ECE1: variants seen among roughly 807,000 people sequenced by gnomAD.
The protein encoded by ECE1 is endothelin-converting enzyme 1.
A neutral mutation model predicts 98.6 loss-of-function variants in ECE1; 35 were observed. The ratio of observed to expected loss-of-function variants is 0.35; its 90% CI spans 0.27 to 0.47. ECE1 has a LOEUF of 0.47. Among genes scored for constraint, ECE1 ranks in the 20% least tolerant of loss-of-function variants. ECE1 has a pLI of 1.00. For synonymous variants in ECE1, 394 were observed against 407.1 expected (o/e 0.97, Z 0.39); for missense variants, 814 against 1,025.3 (o/e 0.79, Z 2.81).
At chr1:21,274,788 TCA>T (rs1236548097) in intron 3 of ECE1, among the ~76,000 whole-genome samples, 1 of 152,068 alleles carries the variant, frequency 6.6e-6, no homozygotes, top group African/African-American at 2.4e-5. Flanking sequence ...TTTGAGATAA[TCA>T]CACAACAATT....
Position 21,233,528 on chromosome 1 carries a change from A to T in ECE1, c.1670+30T>A, listed in dbSNP as rs1248353895. The T allele has an allele frequency of 6.2e-7, 1 of 1,606,744 alleles. No homozygotes were observed. The highest frequency in any genetic ancestry group is 1.1e-5 in the South Asian group (1 of 90,898). On this transcript the variant is annotated intron_variant, in intron 14 of 18. Coordinates refer to ENST00000374893, the MANE Select transcript of ECE1 (RefSeq NM_001397.3). This position sits in a 1 kb window ranked among gnomAD's most constrained non-coding sequence, Gnocchi z 4.0. Reference sequence around the variant, plus strand: ...GCTTGCCCACAGGTGGGGAGCTGGCACCTTGCCGGCAGGGCCTGGGGGAAC... The same window carrying T: ...GCTTGCCCACAGGTGGGGAGCTGGCTCCTTGCCGGCAGGGCCTGGGGGAAC...
chr1:21,342,093 T>A (rs1029950563), intron 1 of ECE1, among the ~76,000 whole-genome samples: 1 of 152,112 alleles, frequency 6.6e-6, no homozygotes, highest in Non-Finnish European at 1.5e-5. Flanking sequence ...TGGTAGTACA[T>A]CAGGATTCAA....
intron 4 of ECE1, among the ~76,000 whole-genome samples, chr1:21,264,026 G>T (rs212533): frequency 0.11 from 16,501 of 152,182 alleles, 990 homozygotes; most frequent in South Asian, 0.18. Flanking sequence ...CAGAGAAGGG[G>T]GCGAGAAGTA....
chr1:21,331,910 C>T (rs1177795968), intron 1 of ECE1, among the ~76,000 whole-genome samples: 3 of 152,166 alleles, frequency 2.0e-5, no homozygotes, highest in African/African-American at 7.2e-5. Flanking sequence ...CTAATGCAGA[C>T]AGAAGTTACT....
intron 10 of ECE1, among the ~76,000 whole-genome samples, chr1:21,239,942 A>T (rs917487914): frequency 3.3e-5 from 5 of 152,088 alleles, no homozygotes; most frequent in Non-Finnish European, 7.4e-5. Flanking sequence ...AGGCCGAGGC[A>T]AGTGGATCAC....
At chr1:21,236,912 G>C in intron 11 of ECE1, 68 bp from the exon 12 acceptor site, 1 of 1,384,316 alleles carries the variant, frequency 7.2e-7, no homozygotes, top group Non-Finnish European at 1.0e-6. Flanking sequence ...CAGGCACCCC[G>C]TGCAGAACAA....
intron 4 of ECE1, among the ~76,000 whole-genome samples, chr1:21,263,324 G>A (rs1479766540): frequency 6.6e-6 from 1 of 151,984 alleles, no homozygotes; most frequent in African/African-American, 2.4e-5. Context: ...GGGTGATGAG[G>A]CCGGATGCCC....
At chr1:21,257,455 G>C in intron 7 of ECE1, 70 bp downstream of exon 7, 1 of 1,548,912 alleles carries the variant, frequency 6.5e-7, no homozygotes, top group Non-Finnish European at 8.9e-7. Flanking sequence ...ACCTGCACAG[G>C]TGTGGGTGTG....
In ECE1 at chr1:21,340,911, C is replaced by A. The variant is rs1159650232; in HGVS notation, c.3+4465G>T. 1.4e-5 allele frequency among the ~76,000 whole-genome samples: 2 copies of A among 143,368 alleles called. No homozygotes were observed. The highest frequency in any genetic ancestry group is 5.5e-5 in the African/African-American group (2 of 36,352). The allele number at this position is 143,368 out of a possible 152,430, so 94.1% of individuals were successfully genotyped here. ...CTGCCCTAAGGATTGAGCCCCAGGTCCTTCATATGACCATCCCTGAGTGCA... is the reference window on the plus strand; with the variant it reads ...CTGCCCTAAGGATTGAGCCCCAGGTACTTCATATGACCATCCCTGAGTGCA... On this transcript the variant is annotated intron_variant, in intron 1 of 18. Coordinates refer to the ECE1 transcript ENST00000415912. The surrounding 1 kb of genome is among the most constrained non-coding windows in gnomAD (Gnocchi z 4.6).
In ECE1 at chr1:21,247,233, G is replaced by C; in HGVS notation, c.1151C>G (p.Thr384Ser). Residue 384 changes from threonine (T) to serine (S), a missense_variant, in exon 9 of 19, where the codon ACC becomes AGC. Thr to Ser is a moderately conservative substitution (Grantham distance 58). Around this residue, in one of 3 missense-constraint regions of ECE1, gnomAD observed 452 missense variants for 567.3 expected, o/e 0.80. Transcript: ENST00000374893. Reference sequence around the variant, plus strand: ...GGGGTCCTCTTACCATCTGTCGGTGGTGTTGATGAGAGTGGAGATCTGCTC... The same window carrying C: ...GGGGTCCTCTTACCATCTGTCGGTGCTGTTGATGAGAGTGGAGATCTGCTC... Reference protein sequence around the residue: ...YLEQISTLINTTDRCLLNNYM... With the variant: ...YLEQISTLINSTDRCLLNNYM... The C allele has an allele frequency of 6.2e-7, 1 of 1,614,180 alleles. No individual in the cohort carries two copies. The highest frequency in any genetic ancestry group is 1.3e-5 in the African/African-American group (1 of 75,070).
intron 10 of ECE1, among the ~76,000 whole-genome samples, chr1:21,244,119 G>A (rs1354051224): frequency 6.6e-6 from 1 of 152,188 alleles, no homozygotes; most frequent in African/African-American, 2.4e-5. Context: ...GGGGAGGATT[G>A]TTGGGGTCTT....
chr1:21,264,557 T>C (rs1415462069), intron 4 of ECE1, among the ~76,000 whole-genome samples: 1 of 152,160 alleles, frequency 6.6e-6, no homozygotes, highest in Non-Finnish European at 1.5e-5. Context: ...TCAGGTGGTC[T>C]GCCTGTCTCG....
In ECE1 at chr1:21,233,982, A is replaced by ATTTC. The variant is rs1024843158; in HGVS notation, c.1567-325_1567-322dup. Among the ~76,000 whole-genome samples the ATTTC allele has an allele frequency of 2.0e-5, 3 of 151,306 alleles. No individual in the cohort carries two copies. The highest frequency in any genetic ancestry group is 7.3e-5 in the African/African-American group (3 of 41,156). ...TGTCCAGTATGGCAGACTACTAAGCATTTCTTTCTTTCTTTTTTTTTTGAG... is the reference window on the plus strand; with the variant it reads ...TGTCCAGTATGGCAGACTACTAAGCATTTCTTTCTTTCTTTCTTTTTTTTTTGAG... On this transcript the variant is annotated intron_variant, in intron 13 of 18. Transcript: ENST00000374893. The surrounding 1 kb of genome is among the most constrained non-coding windows in gnomAD (Gnocchi z 4.0).
chr1:21,309,309 G>A (rs2103388173), intron 1 of ECE1, among the ~76,000 whole-genome samples: 1 of 152,324 alleles, frequency 6.6e-6, no homozygotes, highest in East Asian at 1.9e-4. Flanking sequence ...CCCTGGCTCT[G>A]TCATTTACCA....
chr1:21,272,953 G>A (rs373825476), intron 3 of ECE1, 42 bp from the exon 4 acceptor site: 167 of 1,609,256 alleles, frequency 1.0e-4, no homozygotes, highest in Non-Finnish European at 1.4e-4. Context: ...GGGCAGGCAG[G>A]GAAGAAGCAG....
At chr1:21,247,495 G>A in intron 8 of ECE1, 132 bp from the exon 9 acceptor site, 1 of 1,313,460 alleles carries the variant, frequency 7.6e-7, no homozygotes, top group South Asian at 1.2e-5. Flanking sequence ...ACCGGGCAGA[G>A]AGTCAAGCGG....
chr1:21,223,616 C>T lies in ECE1; in HGVS notation c.2040+1634G>A, dbSNP rs144548360. Among the ~76,000 whole-genome samples, 17 of 152,234 alleles carry T rather than the reference C, an allele frequency of 1.1e-4. No individual in the cohort carries two copies. The East Asian group carries it at 3.3e-3, about 30-fold the overall frequency. On this transcript the variant is annotated intron_variant, in intron 17 of 18. Coordinates refer to ENST00000374893, the MANE Select transcript of ECE1 (RefSeq NM_001397.3). Reference sequence around the variant, plus strand: ...GAGTAGCTGGGATTACTGGCGCCTGCCACCACGCCTGGCTAATCTTTGTAT... The same window carrying T: ...GAGTAGCTGGGATTACTGGCGCCTGTCACCACGCCTGGCTAATCTTTGTAT...
At position 21,220,512 on chromosome 1, in the gene ECE1, A is replaced by G. The variant is rs1278534889; in HGVS notation, c.2137-381T>C. On this transcript the variant is annotated intron_variant, in intron 18 of 18. Transcript: ENST00000374893. This position sits in a 1 kb window ranked among gnomAD's most constrained non-coding sequence, Gnocchi z 5.0. ...AGATCCTGTCTCAAAAAGCAAAACAAGGTTGGGTGTGGTGGCTCATACCTG... is the reference window on the plus strand; with the variant it reads ...AGATCCTGTCTCAAAAAGCAAAACAGGGTTGGGTGTGGTGGCTCATACCTG... Among the ~76,000 whole-genome samples the G allele has an allele frequency of 1.3e-5, 2 of 151,728 alleles. No individual in the cohort carries two copies. The highest frequency in any genetic ancestry group is 2.9e-5 in the Non-Finnish European group (2 of 67,892).
chr1:21,302,692 A>G (rs935329754), intron 1 of ECE1, among the ~76,000 whole-genome samples: 4 of 152,302 alleles, frequency 2.6e-5, no homozygotes, highest in Non-Finnish European at 4.4e-5. Context: ...AAGTCCTGGC[A>G]TGAGTTCAAG....
Sources: gnomAD v4.1 joint callset for allele counts (sites outside exome capture counted in the v4.1 genomes callset) on GRCh38, gnomAD v4.1.1 for gene constraint, gnomAD v4.1.1 regional missense constraint, Gnocchi (gnomAD v3.1) non-coding constraint, MANE v1.5 for transcripts, NCBI Gene and HGNC (gene_info 2026-07-23, HGNC 2026-07-21) for gene names.